Variants in WHRN observed in about 807,000 individuals in gnomAD.
The protein encoded by WHRN is whirlin.
In WHRN, 41 loss-of-function variants were observed where a neutral mutation model predicts 68.3. That is an observed-to-expected ratio of 0.60 (90% CI 0.47 to 0.78). The LOEUF (loss-of-function observed/expected upper bound fraction) is 0.78, where lower values mean the gene tolerates loss of function less well. WHRN is among the 30% of genes least tolerant of loss of function. WHRN has a pLI of 0.00. For missense variants in WHRN, 1,243 were observed against 1,244.7 expected, an observed-to-expected ratio of 1.00 and a Z score of 0.02; for synonymous variants, 560 against 561.3, an observed-to-expected ratio of 1.00 and a Z score of 0.03.
chr9:114,472,134 GTGAGGA>G (rs1208040961), intron 2 of WHRN, among the ~76,000 whole-genome samples: 2 of 152,244 alleles, frequency 1.3e-5, no homozygotes, highest in Non-Finnish European at 2.9e-5. Context: ...CAGGGCTGTT[GTGAGGA>G]TGAGGATGCG....
intron 1 of WHRN, among the ~76,000 whole-genome samples, chr9:114,481,293 C>T (rs1842076411): frequency 6.6e-6 from 1 of 152,210 alleles, no homozygotes; most frequent in Non-Finnish European, 1.5e-5. Context: ...TCCCAGTCTC[C>T]AGTGGAGGGA....
intron 3 of WHRN, among the ~76,000 whole-genome samples, chr9:114,459,346 C>A (rs1268945546): frequency 6.6e-6 from 1 of 151,880 alleles, no homozygotes; most frequent in Admixed American, 6.6e-5. Flanking sequence ...CACCTGTAAT[C>A]CCAGCTACTC....
intron 2 of WHRN, among the ~76,000 whole-genome samples, chr9:114,469,273 C>T (rs1840988263): frequency 6.6e-6 from 1 of 152,222 alleles, no homozygotes; most frequent in African/African-American, 2.4e-5. Context: ...CTGGGACCAC[C>T]ATGTGGACGT....
chr9:114,447,530 T>C (rs1382229521), intron 3 of WHRN, among the ~76,000 whole-genome samples: 1 of 152,198 alleles, frequency 6.6e-6, no homozygotes, highest in Non-Finnish European at 1.5e-5. Flanking sequence ...GGTCTGACTT[T>C]ATTACAGTTT....
intron 3 of WHRN, 92 bp from the exon 4 acceptor site, chr9:114,426,505 C>A: frequency 1.4e-6 from 2 of 1,470,952 alleles, no homozygotes; most frequent in Non-Finnish European, 1.9e-6. Context: ...CTCCTCTGGG[C>A]CAGCCTGTCA....
At chr9:114,435,142 G>C (rs1051571126) in intron 3 of WHRN, among the ~76,000 whole-genome samples, 2 of 152,088 alleles carry the variant, frequency 1.3e-5, no homozygotes, top group African/African-American at 4.8e-5. Context: ...CTCGCCCAGG[G>C]CACCGTGCAG....
At chr9:114,478,142 G>A (rs1841802893) in intron 2 of WHRN, among the ~76,000 whole-genome samples, 1 of 151,564 alleles carries the variant, frequency 6.6e-6, no homozygotes, top group African/African-American at 2.4e-5. Context: ...ACAGTATTCA[G>A]CCAGGCATGG....
In WHRN at chr9:114,504,937, G is replaced by T; in HGVS notation, c.-136C>A. 2.4e-6 allele frequency: 3 copies of T among 1,247,430 alleles called. No homozygotes were observed. The highest frequency in any genetic ancestry group is 3.1e-6 in the Non-Finnish European group (3 of 978,392). 77.3% of individuals were successfully genotyped at this position (1,247,430 alleles called of 1,614,324 possible). ...TGGAGCCTGGGTTTGGGGAGCACGG[G>T]TACAGTGGCTGGATCCTAGGGGGTC... On this transcript the variant is annotated 5_prime_UTR_variant, in exon 1 of 12. Coordinates refer to ENST00000362057, the MANE Select transcript of WHRN (RefSeq NM_015404.4).
intron 7 of WHRN, among the ~76,000 whole-genome samples, chr9:114,417,136 T>C (rs1835876481): frequency 6.6e-6 from 1 of 152,198 alleles, no homozygotes; most frequent in Admixed American, 6.5e-5. Context: ...GTTAGACAAA[T>C]GGAAAATCAA....
At chr9:114,497,318 A>G (rs952825754) in intron 1 of WHRN, among the ~76,000 whole-genome samples, 7 of 152,230 alleles carry the variant, frequency 4.6e-5, no homozygotes, top group Non-Finnish European at 8.8e-5. Flanking sequence ...GCCACAGCCA[A>G]TTTAGCAAAA....
At chr9:114,435,739 T>C (rs1409407066) in intron 3 of WHRN, among the ~76,000 whole-genome samples, 1 of 152,078 alleles carries the variant, frequency 6.6e-6, no homozygotes, top group African/African-American at 2.4e-5. Flanking sequence ...TCCACAGCCT[T>C]CACAGACACA....
intron 8 of WHRN, 22 bp from the exon 9 acceptor site, chr9:114,406,914 G>T: frequency 6.4e-7 from 1 of 1,556,646 alleles, no homozygotes; most frequent in Admixed American, 1.9e-5. Flanking sequence ...CCCAACAGGC[G>T]GAGAAGGAGT....
At chr9:114,504,129 G>A in intron 1 of WHRN, 55 bp downstream of exon 1, 2 of 1,612,200 alleles carry the variant, frequency 1.2e-6, no homozygotes, top group Non-Finnish European at 1.7e-6. Context: ...TACTGAAAAA[G>A]CTGTGCCACT....
chr9:114,504,065 A>G, intron 1 of WHRN, 119 bp downstream of exon 1: 2 of 1,480,418 alleles, frequency 1.4e-6, no homozygotes, highest in Non-Finnish European at 1.8e-6. Flanking sequence ...ATTAAAAAAA[A>G]AAAAAAAGCC....
At position 114,406,727 on chromosome 9, in the gene WHRN, A is replaced by G. The variant is rs1835061836; in HGVS notation, c.1864T>C (p.Ser622Pro). 3 of 1,614,054 alleles carry G rather than the reference A, an allele frequency of 1.9e-6. 1 individual carries two copies. The East Asian group carries it at 6.7e-5, about 36-fold the overall frequency. ...SMPSCSGTVFSAPQNRSPPAG... is the reference protein window; with the variant it reads ...SMPSCSGTVFPAPQNRSPPAG... ...GGCGGGCTGCGGTTCTGTGGAGCCG[A>G]GAAGACAGTGCCCGAGCAGGAAGGC... Residue 622 changes from serine to proline, a missense_variant, in exon 9 of 12, where the codon TCG becomes CCG. By Grantham distance (74) the Ser-to-Pro change is moderately conservative. Transcript: ENST00000362057.
At chr9:114,449,735 T>A (rs1198680300) in intron 3 of WHRN, among the ~76,000 whole-genome samples, 2 of 152,076 alleles carry the variant, frequency 1.3e-5, no homozygotes, top group Admixed American at 1.3e-4. Flanking sequence ...GGGAAAGACG[T>A]TCATCATCAA....
At chr9:114,460,367 G>C (rs561330162) in intron 3 of WHRN, among the ~76,000 whole-genome samples, 1 of 152,222 alleles carries the variant, frequency 6.6e-6, no homozygotes, top group Non-Finnish European at 1.5e-5. Flanking sequence ...CAGGGCTACC[G>C]GTAGGATGAA....
chr9:114,405,875 G>T (rs1313327500), intron 9 of WHRN, among the ~76,000 whole-genome samples: 1 of 152,242 alleles, frequency 6.6e-6, no homozygotes, highest in Non-Finnish European at 1.5e-5. Flanking sequence ...CTAGCAAACC[G>T]GGGCACAGCG....
chr9:114,409,942 G>T (rs569511166), intron 7 of WHRN, among the ~76,000 whole-genome samples: 1 of 152,070 alleles, frequency 6.6e-6, no homozygotes, highest in East Asian at 1.9e-4. Flanking sequence ...ACCCCCAAGG[G>T]CCTCTTCATC....
Sources: gnomAD v4.1 joint callset for allele counts (sites outside exome capture counted in the v4.1 genomes callset) on GRCh38, gnomAD v4.1.1 for gene constraint, MANE v1.5 for transcripts, NCBI Gene and HGNC (gene_info 2026-07-23, HGNC 2026-07-21) for gene names.